Variants in CCSAP observed in about 807,000 individuals in gnomAD.
CCSAP encodes the protein centriole, cilia and spindle associated protein, also known as centriole, cilia and spindle-associated protein.
Under a neutral mutation model 25.9 loss-of-function variants are expected in CCSAP, and 17 were observed. The observed-to-expected ratio is 0.66, with a 90% CI of 0.45 to 0.99. CCSAP has a LOEUF of 0.99. Among genes scored for constraint, CCSAP ranks in the 50% least tolerant of loss-of-function variants. The probability of loss-of-function intolerance (pLI) is 0.00; values close to 1 mark genes in which losing one functional copy is unlikely to be tolerated. For missense variants in CCSAP, 339 were observed against 367.8 expected, an observed-to-expected ratio of 0.92 and a Z score of 0.64; for synonymous variants, 169 against 157.1, an observed-to-expected ratio of 1.08 and a Z score of -0.57.
At chr1:229,330,452 A>C (rs1016431367) in intron 2 of CCSAP, among the ~76,000 whole-genome samples, 1 of 152,240 alleles carries the variant, frequency 6.6e-6, no homozygotes, top group African/African-American at 2.4e-5. Flanking sequence ...TTTAATGCAC[A>C]GGCAAAGAAA....
At chr1:229,335,728 A>C (rs1658181992) in intron 2 of CCSAP, among the ~76,000 whole-genome samples, 2 of 152,180 alleles carry the variant, frequency 1.3e-5, no homozygotes, top group African/African-American at 4.8e-5. Flanking sequence ...TGAGGGTCCC[A>C]GCAACAGCCC....
In CCSAP at chr1:229,323,993, G is replaced by A. The variant is rs1011379219; in HGVS notation, c.*1242C>T. 4 of 152,628 alleles carry A rather than the reference G, an allele frequency of 2.6e-5. No individual in the cohort carries two copies. The highest frequency in any genetic ancestry group is 6.5e-5 in the Admixed American group (1 of 15,274). The allele number at this position is 152,628 out of a possible 1,614,324, so 9.5% of individuals were successfully genotyped here. A position where few individuals can be genotyped will look rare whatever the true frequency, so the allele number is the denominator to read the frequency against. On this transcript the variant is annotated 3_prime_UTR_variant, in exon 4 of 4. Coordinates refer to ENST00000284617, the MANE Select transcript of CCSAP (RefSeq NM_145257.5). ...TGGAGAAGACATCATTCATTTGATG[G>A]AAACCAGTGTTTGTTAAAACCATTT...
At chr1:229,339,042 T>A (rs1329271275) in intron 2 of CCSAP, among the ~76,000 whole-genome samples, 4 of 112,656 alleles carry the variant, frequency 3.6e-5, no homozygotes, top group South Asian at 2.7e-4. Flanking sequence ...AATTAGAGGA[T>A]AAAATGATAA....
intron 2 of CCSAP, among the ~76,000 whole-genome samples, chr1:229,339,513 TCCA>T (rs780181335): frequency 1.3e-5 from 2 of 151,882 alleles, no homozygotes; most frequent in Non-Finnish European, 2.9e-5. Context: ...GAAGATGTGC[TCCA>T]CCAAGAAGGG....
At position 229,334,200 on chromosome 1, in the gene CCSAP, A is replaced by T. The variant is rs572363233; in HGVS notation, c.368-7194T>A. ...GTTCTTGTGCCTCAGCCACCCAAAT[A>T]GCTGGGATTACAGGCGCACGCCACC... On this transcript the variant is annotated intron_variant, in intron 2 of 3. Transcript: ENST00000284617. 2.9e-4 allele frequency among the ~76,000 whole-genome samples: 44 copies of T among 152,178 alleles called. 1 individual carries two copies. Among genetic ancestry groups the T allele is most frequent in the Non-Finnish European group, 5.9e-4 (40 of 68,036 alleles).
chr1:229,336,183 A>G (rs1658190894), intron 2 of CCSAP, among the ~76,000 whole-genome samples: 1 of 149,404 alleles, frequency 6.7e-6, no homozygotes, highest in Non-Finnish European at 1.5e-5. Context: ...TGTTTTTACT[A>G]GTTTTAAGCT....
chr1:229,341,931 G>A (rs1658341626), intron 2 of CCSAP, among the ~76,000 whole-genome samples, 168 bp downstream of exon 2: 1 of 151,744 alleles, frequency 6.6e-6, no homozygotes, highest in Non-Finnish European at 1.5e-5. Context: ...GGGTGGCAAA[G>A]GCTGCCACCT....
In CCSAP at chr1:229,340,876, C is replaced by T. The variant is rs184097520; in HGVS notation, c.367+1223G>A. 1.2e-3 allele frequency among the ~76,000 whole-genome samples: 180 copies of T among 152,296 alleles called. 3 individuals carry two copies. Among genetic ancestry groups the T allele is most frequent in the Non-Finnish European group, 2.6e-4 (18 of 68,026 alleles). On this transcript the variant is annotated intron_variant, in intron 2 of 3. Transcript: ENST00000284617. ...ACATAAATGAATAAAGTCACTGATC[C>T]TGAGCTTCCGTTTTTTCATCTATAA... is the stretch of plus-strand genomic sequence containing the variant.
intron 2 of CCSAP, chr1:229,327,700 TCTA>T: frequency 5.2e-6 from 2 of 386,982 alleles, no homozygotes; most frequent in East Asian, 1.5e-4. Context: ...AAACCCCGTC[TCTA>T]CTAAAATACA....
At chr1:229,330,046 G>A (rs1309293898) in intron 2 of CCSAP, among the ~76,000 whole-genome samples, 1 of 145,180 alleles carries the variant, frequency 6.9e-6, no homozygotes, top group Non-Finnish European at 1.5e-5. Context: ...AGACAGCCCA[G>A]CAACACTGCA....
rs1657899440 is a variant in CCSAP at position 229,324,609 on chromosome 1, C to CTT, written c.*625_*626insAA. On this transcript the variant is annotated 3_prime_UTR_variant, in exon 4 of 4. Coordinates refer to ENST00000284617, the MANE Select transcript of CCSAP (RefSeq NM_145257.5). ...CTGAAAGAGAAAAAGAGACCCTCGC[C>CTT]CAGCCCAGATAATTCTTAAATATCA... 1 of 152,410 alleles carries CTT rather than the reference C, an allele frequency of 6.6e-6. No individual in the cohort carries two copies. The highest frequency in any genetic ancestry group is 2.4e-5 in the African/African-American group (1 of 41,332). The allele number at this position is 152,410 out of a possible 1,614,324, so 9.4% of individuals were successfully genotyped here.
At chr1:229,333,401 C>T (rs1658125973) in intron 2 of CCSAP, among the ~76,000 whole-genome samples, 1 of 142,336 alleles carries the variant, frequency 7.0e-6, no homozygotes, top group Admixed American at 7.6e-5. Context: ...CCACTGCACT[C>T]CAGCCTGGGC....
chr1:229,327,306 A>C, intron 2 of CCSAP: 1 of 346,432 alleles, frequency 2.9e-6, no homozygotes. Flanking sequence ...ACAGCACCAC[A>C]CCCTAAGGGC....
rs1658260046 is a variant in CCSAP at position 229,338,738 on chromosome 1, G to A, written c.367+3361C>T. ...ATTGTGCTGAAGAAACACAGAAAGA[G>A]AAGAAAACAAACGAAAAATTCTAAT... On this transcript the variant is annotated intron_variant, in intron 2 of 3. Transcript: ENST00000284617. 4.6e-5 allele frequency among the ~76,000 whole-genome samples: 7 copies of A among 152,058 alleles called. No individual in the cohort carries two copies. In the South Asian group the frequency reaches 1.4e-3, roughly 31 times the overall value.
chr1:229,324,982 A>G lies in CCSAP; in HGVS notation c.*253T>C. On this transcript the variant is annotated 3_prime_UTR_variant, in exon 4 of 4. Coordinates refer to ENST00000284617, the MANE Select transcript of CCSAP (RefSeq NM_145257.5). The stretch of plus-strand genomic sequence containing the variant: ...AGATGCTTTAAAACAAAAACCTTAT[A>G]AGAATATCAAAGATTTAGGGAATTA... The G allele has an allele frequency of 2.8e-6, 1 of 353,586 alleles. No individual in the cohort carries two copies. Among genetic ancestry groups the G allele is most frequent in the Non-Finnish European group, 5.1e-6 (1 of 195,008 alleles). The allele number at this position is 353,586 out of a possible 1,614,324, so 21.9% of individuals were successfully genotyped here. A position where few individuals can be genotyped will look rare whatever the true frequency, so the allele number is the denominator to read the frequency against.
rs536838095 is a variant in CCSAP, at chr1:229,342,776, G to C, written c.-49+136C>G. Reference sequence around the variant, plus strand: ...AGGCAGGGAGGCTGCGGGCTGGGGCGAGGGGACCGCAGGAGACTGGGGCTG... The same window carrying C: ...AGGCAGGGAGGCTGCGGGCTGGGGCCAGGGGACCGCAGGAGACTGGGGCTG... On this transcript the variant is annotated intron_variant, in intron 1 of 3. Transcript: ENST00000284617. The surrounding 1 kb of genome is among the most constrained non-coding windows in gnomAD (Gnocchi z 7.5). 4.5e-6 allele frequency: 1 copy of C among 223,540 alleles called. No homozygotes were observed. The highest frequency in any genetic ancestry group is 1.8e-4 in the South Asian group (1 of 5,550). 13.8% of individuals were successfully genotyped at this position (223,540 alleles called of 1,614,324 possible).
intron 2 of CCSAP, among the ~76,000 whole-genome samples, chr1:229,341,069 C>T (rs917513340): frequency 1.3e-5 from 2 of 152,068 alleles, no homozygotes; most frequent in Non-Finnish European, 1.5e-5. Flanking sequence ...TGGCGCGTGC[C>T]TGTAATCCCA....
At chr1:229,338,214 G>C (rs1400325777) in intron 2 of CCSAP, among the ~76,000 whole-genome samples, 1 of 152,128 alleles carries the variant, frequency 6.6e-6, no homozygotes, top group African/African-American at 2.4e-5. Context: ...ATAATGGGAA[G>C]TCAGTAGATA....
At chr1:229,339,774 G>A (rs1483605819) in intron 2 of CCSAP, among the ~76,000 whole-genome samples, 1 of 152,178 alleles carries the variant, frequency 6.6e-6, no homozygotes, top group Non-Finnish European at 1.5e-5. Flanking sequence ...AGGGAATCAT[G>A]GGAAATAGTA....
Sources: gnomAD v4.1 joint callset for allele counts (sites outside exome capture counted in the v4.1 genomes callset) on GRCh38, gnomAD v4.1.1 for gene constraint, Gnocchi (gnomAD v3.1) non-coding constraint, MANE v1.5 for transcripts, NCBI Gene and HGNC (gene_info 2026-07-23, HGNC 2026-07-21) for gene names.